The following GIMAP6 variants were observed in gnomAD, a reference collection of about 807,000 sequenced individuals.
The protein encoded by GIMAP6 is GTPase IMAP family member 6.
In GIMAP6, 6 loss-of-function variants were observed where a neutral mutation model predicts 9.3. The observed-to-expected ratio is 0.65, with a 90% confidence interval of 0.35 to 1.27. The LOEUF (loss-of-function observed/expected upper bound fraction) is 1.27. Among genes scored for constraint, GIMAP6 ranks in the 50% most tolerant of loss-of-function variants. The pLI is 0.03. For missense variants in GIMAP6, 333 were observed against 359.5 expected (o/e 0.93, Z 0.60); for synonymous variants, 156 against 151.1 (o/e 1.03, Z -0.24).
In GIMAP6 at chr7:150,630,162, A is replaced by G; in HGVS notation, c.1-20T>C. On this transcript the variant is annotated intron_variant, in intron 1 of 2. Transcript: ENST00000328902. ...CTCCATCTACAAAAAAAAAAAAAAA[A>G]AAAAAATCATATGTTCTACTGACTT... 6.5e-7 allele frequency: 1 copy of G among 1,532,424 alleles called. No individual in the cohort carries two copies. The allele number at this position is 1,532,424 out of a possible 1,614,324, so 94.9% of individuals were successfully genotyped here. A position where few individuals can be genotyped will look rare whatever the true frequency, so the allele number is the denominator to read the frequency against.
In GIMAP6 at chr7:150,627,520, T is replaced by G. The variant is rs900864803; in HGVS notation, c.*199A>C. On this transcript the variant is annotated 3_prime_UTR_variant, in exon 3 of 3. Transcript: ENST00000328902. ...CACAGAGGAGGGAGGACCCAGATGT[T>G]CTGGAAGAAGGAATGAAGGAACTGG... is the stretch of plus-strand genomic sequence containing the variant. 18 of 636,782 alleles carry G rather than the reference T, an allele frequency of 2.8e-5. No individual in the cohort carries two copies. The highest frequency in any genetic ancestry group is 4.4e-5 in the Non-Finnish European group (16 of 362,956). The allele number at this position is 636,782 out of a possible 1,614,324, so 39.4% of individuals were successfully genotyped here.
In GIMAP6 at chr7:150,628,374, A is replaced by G; in HGVS notation, c.224T>C (p.Val75Ala). Residue 75 changes from valine (V) to alanine (A), a missense_variant, in exon 3 of 3, where the codon GTG (valine) becomes GCG (alanine). Coordinates refer to ENST00000328902, the MANE Select transcript of GIMAP6 (RefSeq NM_024711.6). Reference sequence around the variant, plus strand: ...GCTCCGTCTCTGGGAGGTCTTGGTCACGGGTCTGGTGCTGAGTTTAGACTC... The same window carrying G: ...GCTCCGTCTCTGGGAGGTCTTGGTCGCGGGTCTGGTGCTGAGTTTAGACTC... ...VFESKLSTRP[V>A]TKTSQRRSRE... is the part of the protein sequence containing the mutation. 6.2e-7 allele frequency: 1 copy of G among 1,614,062 alleles called. No homozygotes were observed. The highest frequency in any genetic ancestry group is 2.2e-5 in the East Asian group (1 of 44,876).
intron 2 of GIMAP6, 27 bp downstream of exon 2, chr7:150,630,030 CT>C (rs1289633743): frequency 1.3e-6 from 2 of 1,483,648 alleles, no homozygotes; most frequent in Non-Finnish European, 1.9e-6. Context: ...ATGTTTCCCA[CT>C]TGCTCCCCTC....
Position 150,627,220 on chromosome 7 carries a change from T to C in GIMAP6, c.*499A>G, listed in dbSNP as rs1452374192. The C allele has an allele frequency of 5.7e-6, 1 of 176,532 alleles. No homozygotes were observed. The highest frequency in any genetic ancestry group is 1.2e-5 in the Non-Finnish European group (1 of 83,482). 10.9% of individuals were successfully genotyped at this position (176,532 alleles called of 1,614,324 possible). On this transcript the variant is annotated 3_prime_UTR_variant, in exon 3 of 3. Transcript: ENST00000328902. ...AACCCTCCCCATGTCTCAGCACCACTGCCATGTTCCAGCCACCAGACACAA... is the reference window on the plus strand; with the variant it reads ...AACCCTCCCCATGTCTCAGCACCACCGCCATGTTCCAGCCACCAGACACAA...
In GIMAP6 at chr7:150,628,351, T is replaced by TC; in HGVS notation, c.246dup (p.Ser83GlufsTer10). On this transcript the variant is annotated frameshift_variant, in exon 3 of 3. Transcript: ENST00000328902. LOFTEE classifies it high-confidence loss of function. ...AGCTCCTTCCCAGCCCACTCTCGGC[T>TC]CCGTCTCTGGGAGGTCTTGGTCACG... 1 of 1,614,112 alleles carries TC rather than the reference T, an allele frequency of 6.2e-7. No individual in the cohort carries two copies. Among genetic ancestry groups the TC allele is most frequent in the Non-Finnish European group, 8.5e-7 (1 of 1,179,968 alleles).
intron 1 of GIMAP6, among the ~76,000 whole-genome samples, chr7:150,631,905 A>G (rs1010208900): frequency 3.3e-5 from 5 of 152,142 alleles, no homozygotes; most frequent in Non-Finnish European, 7.4e-5. Context: ...CACAGCACAC[A>G]CAAATACACA....
Position 150,628,191 on chromosome 7 carries a change from G to A in GIMAP6, c.407C>T (p.Thr136Met), listed in dbSNP as rs138029142. The part of the protein sequence containing the change: ...VLLVTQLGRF[T>M]DEDQQVVRRL... The stretch of plus-strand genomic sequence containing the variant: ...CCTGACCACCTGCTGATCCTCATCC[G>A]TGAACCGGCCCAGTTGTGTCACCAG... The change falls in exon 3 of 3, where the codon ACG (threonine) becomes ATG (methionine). Residue 136 changes from threonine (T) to methionine (M), a missense_variant. Transcript: ENST00000328902. The A allele has an allele frequency of 4.6e-5, 75 of 1,614,142 alleles. No homozygotes were observed. The East Asian group carries it at 8.0e-4, about 17-fold the overall frequency.
Position 150,628,467 on chromosome 7 carries a change from A to G in GIMAP6, c.131T>C (p.Ile44Thr), listed in dbSNP as rs563027953. The G allele has an allele frequency of 3.1e-4, 505 of 1,614,136 alleles. 3 individuals are homozygous for G. In the South Asian group the frequency reaches 5.3e-3, roughly 17 times the overall value. ...CCCACTCCCTGTTTTCCCCATGAGA[A>G]TGAGCCTCAGTCTCCTTGGGGTCTT... ...EQKTPRRLRL[I>T]LMGKTGSGKS... The change falls in exon 3 of 3, where the codon ATT becomes ACT. Residue 44 changes from isoleucine to threonine, a missense_variant. Transcript: ENST00000328902.
Position 150,627,005 on chromosome 7 carries a change from C to G in GIMAP6, c.*714G>C, listed in dbSNP as rs891674841. 1 of 152,748 alleles carries G rather than the reference C, an allele frequency of 6.5e-6. No individual in the cohort carries two copies. The highest frequency in any genetic ancestry group is 2.4e-5 in the African/African-American group (1 of 41,442). 9.5% of individuals were successfully genotyped at this position (152,748 alleles called of 1,614,324 possible). A position where few individuals can be genotyped will look rare whatever the true frequency, so the allele number is the denominator to read the frequency against. ...TTCTGTAGCCAGGGCAAGGGACCAC[C>G]TACTTGACCACAGTCTGACTTCTTG... On this transcript the variant is annotated 3_prime_UTR_variant, in exon 3 of 3. Transcript: ENST00000328902.
rs746468152 is a variant in GIMAP6, at chr7:150,628,296, G to C, written c.302C>G (p.Ser101Cys). 3 of 1,614,040 alleles carry C rather than the reference G, an allele frequency of 1.9e-6. No individual in the cohort carries two copies. The African/African-American group carries it at 4.0e-5, about 22-fold the overall frequency. ...LEVIDTPNIL[S>C]PQVSPEVADA... is the part of the protein sequence containing the mutation. ...TGCCACCTCTGGCGAGACCTGGGGG[G>C]ACAGAATGTTGGGTGTGTCAATCAC... Residue 101 changes from serine (S) to cysteine (C), a missense_variant, in exon 3 of 3, where the codon TCC (serine) becomes TGC (cysteine). By Grantham distance (112) the Ser-to-Cys change is moderately radical. Coordinates refer to ENST00000328902, the MANE Select transcript of GIMAP6 (RefSeq NM_024711.6).
chr7:150,629,827 C>T (rs916509897), intron 2 of GIMAP6, among the ~76,000 whole-genome samples: 17 of 152,126 alleles, frequency 1.1e-4, no homozygotes, highest in Non-Finnish European at 8.8e-5. Flanking sequence ...GTCATTGGTG[C>T]TATTTCTCGC....
intron 2 of GIMAP6, chr7:150,628,840 C>CCCG: frequency 1.0e-6 from 1 of 982,748 alleles, no homozygotes. Context: ...CTTGCGGGTC[C>CCCG]CAAGACCCAG....
In GIMAP6 at chr7:150,630,147, A is replaced by C. The variant is rs559684685; in HGVS notation, c.1-5T>G. On this transcript the variant is annotated splice_region_variant and splice_polypyrimidine_tract_variant and intron_variant, in intron 1 of 2. Coordinates refer to ENST00000328902, the MANE Select transcript of GIMAP6 (RefSeq NM_024711.6). The stretch of plus-strand genomic sequence containing the variant: ...TTCATATTCTTCTTCCTCCATCTAC[A>C]AAAAAAAAAAAAAAAAAAAAATCAT... 4 of 82,604 alleles carry C rather than the reference A, an allele frequency of 4.8e-5. No homozygotes were observed. Among genetic ancestry groups the C allele is most frequent in the East Asian group, 6.5e-4 (2 of 3,088 alleles). The allele number at this position is 82,604 out of a possible 1,614,324, so 5.1% of individuals were successfully genotyped here. A position where few individuals can be genotyped will look rare whatever the true frequency, so the allele number is the denominator to read the frequency against.
chr7:150,627,993 C>A lies in GIMAP6; in HGVS notation c.605G>T (p.Arg202Met), dbSNP rs771356757. Reference protein sequence around the residue: ...LARRHCGFNNRAQGEEQEAQL... With the variant: ...LARRHCGFNNMAQGEEQEAQL... ...GGCCTCCTGCTCCTCCCCCTGTGCC[C>A]TGTTGTTGAAGCCGCAATGGCGCCG... The change falls in exon 3 of 3, where the codon AGG (arginine) becomes ATG (methionine). Residue 202 changes from arginine (R) to methionine (M), a missense_variant. Arg to Met is a moderately conservative substitution (Grantham distance 91). Transcript: ENST00000328902. 7.4e-6 allele frequency: 12 copies of A among 1,614,152 alleles called. No homozygotes were observed. The highest frequency in any genetic ancestry group is 1.6e-4 in the Middle Eastern group (1 of 6,084).
chr7:150,631,647 G>A (rs528459808), intron 1 of GIMAP6, among the ~76,000 whole-genome samples: 5 of 152,302 alleles, frequency 3.3e-5, no homozygotes, highest in African/African-American at 7.2e-5. Context: ...GGGTCTGCAC[G>A]CAAGGCACCT....
Position 150,627,987 on chromosome 7 carries a change from T to C in GIMAP6, c.611A>G (p.Gln204Arg). The stretch of plus-strand genomic sequence containing the variant: ...CAGTTGGGCCTCCTGCTCCTCCCCC[T>C]GTGCCCTGTTGTTGAAGCCGCAATG... The part of the protein sequence containing the change: ...RRHCGFNNRA[Q>R]GEEQEAQLRE... Residue 204 changes from glutamine to arginine, a missense_variant, in exon 3 of 3, where the codon CAG (glutamine) becomes CGG (arginine). Coordinates refer to ENST00000328902, the MANE Select transcript of GIMAP6 (RefSeq NM_024711.6). 2 of 1,614,276 alleles carry C rather than the reference T, an allele frequency of 1.2e-6. No individual in the cohort carries two copies. The highest frequency in any genetic ancestry group is 1.7e-6 in the Non-Finnish European group (2 of 1,180,044).
chr7:150,631,706 C>T (rs1041036143), intron 1 of GIMAP6, among the ~76,000 whole-genome samples: 7 of 152,230 alleles, frequency 4.6e-5, no homozygotes, highest in Non-Finnish European at 7.3e-5. Context: ...CCATGTTGGC[C>T]ACAGTGTGCA....
At position 150,627,394 on chromosome 7, in the gene GIMAP6, C is replaced by T; in HGVS notation, c.*325G>A. On this transcript the variant is annotated 3_prime_UTR_variant, in exon 3 of 3. Coordinates refer to ENST00000328902, the MANE Select transcript of GIMAP6 (RefSeq NM_024711.6). The stretch of plus-strand genomic sequence containing the variant: ...CACAGAAGTAAAAGATACAGGCCTG[C>T]CCTCAAGAAACTTTGGTTCTATCAG... 1 of 395,962 alleles carries T rather than the reference C, an allele frequency of 2.5e-6. No individual in the cohort carries two copies. The highest frequency in any genetic ancestry group is 2.7e-5 in the South Asian group (1 of 36,408). The allele number at this position is 395,962 out of a possible 1,614,324, so 24.5% of individuals were successfully genotyped here. A position where few individuals can be genotyped will look rare whatever the true frequency, so the allele number is the denominator to read the frequency against.
chr7:150,628,290 TG>T lies in GIMAP6; in HGVS notation c.307del (p.Gln103ArgfsTer27). On this transcript the variant is annotated frameshift_variant, in exon 3 of 3. Coordinates refer to ENST00000328902, the MANE Select transcript of GIMAP6 (RefSeq NM_024711.6). LOFTEE classifies it low-confidence loss of function (END_TRUNC). ...VIDTPNILSP[Q>X]VSPEVADAIC... ...AGCGTCTGCCACCTCTGGCGAGACCTGGGGGGACAGAATGTTGGGTGTGTCA... is the reference window on the plus strand; with the variant it reads ...AGCGTCTGCCACCTCTGGCGAGACCTGGGGGACAGAATGTTGGGTGTGTCA... 3 of 1,614,146 alleles carry T rather than the reference TG, an allele frequency of 1.9e-6. No individual in the cohort carries two copies. Among genetic ancestry groups the T allele is most frequent in the Non-Finnish European group, 2.5e-6 (3 of 1,180,014 alleles).
Sources: allele counts gnomAD v4.1 joint callset (sites outside exome capture counted in the v4.1 genomes callset), GRCh38; gene constraint gnomAD v4.1.1; transcripts MANE v1.5; gene names NCBI Gene and HGNC (gene_info 2026-07-23, HGNC 2026-07-21).